PLCB4: variants seen among roughly 807,000 people sequenced by gnomAD.
PLCB4 encodes 1-phosphatidylinositol 4,5-bisphosphate phosphodiesterase beta-4.
In PLCB4, 77 loss-of-function variants were observed where a neutral mutation model predicts 178.8. The observed-to-expected ratio is 0.43, with a 90% confidence interval of 0.36 to 0.52. The LOEUF (loss-of-function observed/expected upper bound fraction) is 0.52. PLCB4 is among the 20% of genes least tolerant of loss of function. The probability of loss-of-function intolerance (pLI) is 0.00; values close to 1 mark genes in which losing one functional copy is unlikely to be tolerated. For synonymous variants in PLCB4, 496 were observed against 490.8 expected (o/e 1.01, Z -0.14); for missense variants, 1,024 against 1,453.4 (o/e 0.70, Z 4.80).
At chr20:9,129,655 G>T (rs2092223151) in intron 2 of PLCB4, among the ~76,000 whole-genome samples, 1 of 152,126 alleles carries the variant, frequency 6.6e-6, no homozygotes, top group Non-Finnish European at 1.5e-5. Context: ...ATGTGTGGTG[G>T]ATTCTTAGTT....
At chr20:9,374,308 C>T (rs1053526268) in intron 12 of PLCB4, among the ~76,000 whole-genome samples, 1 of 152,200 alleles carries the variant, frequency 6.6e-6, no homozygotes, top group African/African-American at 2.4e-5. Flanking sequence ...AATTTTTCCA[C>T]TCCACTGGTT....
intron 10 of PLCB4, among the ~76,000 whole-genome samples, chr20:9,371,562 A>AATAAAAAC (rs2036256762): frequency 6.6e-6 from 1 of 152,012 alleles, no homozygotes; most frequent in Admixed American, 6.6e-5. Context: ...TTTGCTTCAA[A>AATAAAAAC]TGATTTTTGT....
rs1318087784 is a variant in PLCB4 at position 9,384,235 on chromosome 20, G to T, written c.888G>T (p.Leu296=). 2 of 1,614,074 alleles carry T rather than the reference G, an allele frequency of 1.2e-6. No individual in the cohort carries two copies. The highest frequency in any genetic ancestry group is 1.6e-4 in the Middle Eastern group (1 of 6,062). ...LISSDGFCRY[L]MSDENAPVFL... is the part of the protein sequence containing the mutation. ...CAAGTGATGGGTTTTGCAGATATCT[G>T]ATGTCAGATGAAAACGCCCCAGTCT... Residue 296 remains leucine (L), a synonymous_variant, in exon 14 of 40, where the codon CTG becomes CTT. Coordinates refer to ENST00000378473, the MANE Select transcript of PLCB4 (RefSeq NM_001377142.1).
chr20:9,116,166 T>A (rs1208518538), intron 2 of PLCB4, among the ~76,000 whole-genome samples: 1 of 152,014 alleles, frequency 6.6e-6, no homozygotes, highest in African/African-American at 2.4e-5. Context: ...TGTGTGTGTA[T>A]GGCTTCAAAT....
At chr20:9,225,283 T>C (rs1436234986) in intron 3 of PLCB4, among the ~76,000 whole-genome samples, 1 of 152,200 alleles carries the variant, frequency 6.6e-6, no homozygotes, top group Non-Finnish European at 1.5e-5. Flanking sequence ...GCATTAACCA[T>C]AAATTATAGT....
intron 3 of PLCB4, among the ~76,000 whole-genome samples, chr20:9,224,216 G>T (rs181095352): frequency 5.9e-5 from 9 of 152,108 alleles, no homozygotes; most frequent in Non-Finnish European, 1.0e-4. Flanking sequence ...TGCCACTCCT[G>T]TACCCATCTT....
chr20:9,456,851 A>G (rs1032865287), intron 33 of PLCB4, among the ~76,000 whole-genome samples: 1 of 152,206 alleles, frequency 6.6e-6, no homozygotes, highest in African/African-American at 2.4e-5. Flanking sequence ...TTCAGCAGCG[A>G]TGTGGATATT....
intron 2 of PLCB4, among the ~76,000 whole-genome samples, chr20:9,167,418 A>G (rs1428017557): frequency 6.6e-6 from 1 of 152,210 alleles, no homozygotes; most frequent in Non-Finnish European, 1.5e-5. Flanking sequence ...AATATGGGAC[A>G]TATTTCAGTA....
chr20:9,159,701 T>C (rs2092852473), intron 2 of PLCB4, among the ~76,000 whole-genome samples: 1 of 152,180 alleles, frequency 6.6e-6, no homozygotes, highest in Non-Finnish European at 1.5e-5. Flanking sequence ...CTATACACAG[T>C]GAGCCCAGGA....
chr20:9,197,044 A>G (rs1227154834), intron 2 of PLCB4, among the ~76,000 whole-genome samples: 1 of 152,212 alleles, frequency 6.6e-6, no homozygotes, highest in African/African-American at 2.4e-5. Flanking sequence ...ACAAAATACA[A>G]ATTTATTTAC....
chr20:9,295,654 C>T (rs1242335496), intron 3 of PLCB4, among the ~76,000 whole-genome samples: 1 of 152,096 alleles, frequency 6.6e-6, no homozygotes, highest in Non-Finnish European at 1.5e-5. Context: ...GCCAGTTTTC[C>T]CAGCACCATT....
intron 10 of PLCB4, 124 bp from the exon 11 acceptor site, chr20:9,372,179 G>T: frequency 1.7e-6 from 1 of 603,390 alleles, no homozygotes; most frequent in Non-Finnish European, 3.0e-6. Flanking sequence ...GCTTCTGTCA[G>T]CAGGAATCAG....
At chr20:9,182,534 A>T (rs2093264238) in intron 2 of PLCB4, among the ~76,000 whole-genome samples, 1 of 152,186 alleles carries the variant, frequency 6.6e-6, no homozygotes, top group East Asian at 1.9e-4. Flanking sequence ...GTATTTACTG[A>T]GTGCATGGAT....
chr20:9,089,849 C>T (rs963664378), intron 1 of PLCB4, among the ~76,000 whole-genome samples: 4 of 152,132 alleles, frequency 2.6e-5, no homozygotes, highest in African/African-American at 9.7e-5. Context: ...TTGCTTATAG[C>T]AGTTAATGTG....
At chr20:9,373,344 G>T (rs1177186355) in intron 12 of PLCB4, among the ~76,000 whole-genome samples, 1 of 152,234 alleles carries the variant, frequency 6.6e-6, no homozygotes, top group East Asian at 1.9e-4. Flanking sequence ...TGTAGCTCTG[G>T]TTCTGTGTGT....
At chr20:9,347,730 C>A (rs2033942565) in intron 7 of PLCB4, among the ~76,000 whole-genome samples, 2 of 152,216 alleles carry the variant, frequency 1.3e-5, no homozygotes, top group Admixed American at 1.3e-4. Context: ...GTAATCCCAG[C>A]AGTTTGGGAG....
chr20:9,432,148 G>A (rs936507642), intron 28 of PLCB4, among the ~76,000 whole-genome samples: 1 of 152,138 alleles, frequency 6.6e-6, no homozygotes, highest in African/African-American at 2.4e-5. Context: ...CAATGAAAAT[G>A]CAGGTTATAT....
chr20:9,092,386 C>CT (rs912617345), intron 1 of PLCB4, among the ~76,000 whole-genome samples: 2 of 152,060 alleles, frequency 1.3e-5, no homozygotes, highest in African/African-American at 4.8e-5. Flanking sequence ...TTGATTCTCT[C>CT]TGAAGCCTGT....
Position 9,204,795 on chromosome 20 carries a change from G to A in PLCB4, c.-78-12595G>A, listed in dbSNP as rs1049185331. ...AGGCTTAAAGAACTTTTGCCGCCCC[G>A]TAATGAAAGCCAGAGCCACGTGTGA... On this transcript the variant is annotated intron_variant, in intron 2 of 39. Coordinates refer to ENST00000378473, the MANE Select transcript of PLCB4 (RefSeq NM_001377142.1). 5.0e-4 allele frequency among the ~76,000 whole-genome samples: 76 copies of A among 152,112 alleles called. 1 individual carries two copies. The highest frequency in any genetic ancestry group is 1.8e-3 in the African/African-American group (73 of 41,488).
Sources: allele counts gnomAD v4.1 joint callset (sites outside exome capture counted in the v4.1 genomes callset), GRCh38; gene constraint gnomAD v4.1.1; transcripts MANE v1.5; gene names NCBI Gene and HGNC (gene_info 2026-07-23, HGNC 2026-07-21).